The following UBE4B variants were observed in gnomAD, a reference collection of about 807,000 sequenced individuals.
UBE4B encodes the protein ubiquitination factor E4B, also known as ubiquitin conjugation factor E4 B.
UBE4B carries 27 observed loss-of-function variants against 148.1 expected under a neutral mutation model. That is an observed-to-expected ratio of 0.18 (90% CI 0.13 to 0.25). The LOEUF (loss-of-function observed/expected upper bound fraction) is 0.25. Among genes scored for constraint, UBE4B ranks in the 10% least tolerant of loss-of-function variants. UBE4B has a pLI of 1.00. For synonymous variants in UBE4B, 596 were observed against 619.3 expected (o/e 0.96, Z 0.56); for missense variants, 1,170 against 1,662.4 (o/e 0.70, Z 5.15).
At chr1:10,060,657 T>C (rs919640153) in intron 1 of UBE4B, among the ~76,000 whole-genome samples, 1 of 152,110 alleles carries the variant, frequency 6.6e-6, no homozygotes, top group African/African-American at 2.4e-5. Flanking sequence ...TACTCCTAAG[T>C]GTGGTCATCA....
rs538692149 is a variant in UBE4B at position 10,161,821 on chromosome 1, G to A, written c.3198+535G>A. On this transcript the variant is annotated intron_variant, in intron 23 of 27. Transcript: ENST00000343090. This position sits in a 1 kb window ranked among gnomAD's most constrained non-coding sequence, Gnocchi z 4.1. Reference sequence around the variant, plus strand: ...GTACCAGTGCTCTTTCCTGACGTGCGTAGCAGCCACTGAGATACTTCCTTG... The same window carrying A: ...GTACCAGTGCTCTTTCCTGACGTGCATAGCAGCCACTGAGATACTTCCTTG... 1.2e-4 allele frequency among the ~76,000 whole-genome samples: 18 copies of A among 152,242 alleles called. No individual in the cohort carries two copies. The highest frequency in any genetic ancestry group is 2.1e-4 in the Non-Finnish European group (14 of 68,014).
chr1:10,035,137 T>TA (rs1342670099), intron 1 of UBE4B, among the ~76,000 whole-genome samples: 1 of 151,716 alleles, frequency 6.6e-6, no homozygotes, highest in East Asian at 1.9e-4. Flanking sequence ...TAGCTGGGAC[T>TA]ACAGGCGCCC....
chr1:10,129,709 G>A (rs1273423425), intron 12 of UBE4B, among the ~76,000 whole-genome samples: 1 of 151,864 alleles, frequency 6.6e-6, no homozygotes, highest in Admixed American at 6.6e-5. Context: ...GGAGTGCAGT[G>A]GTGGGATCTT....
chr1:10,156,805 T>G (rs1646080091), intron 21 of UBE4B, among the ~76,000 whole-genome samples: 1 of 152,154 alleles, frequency 6.6e-6, no homozygotes, highest in Non-Finnish European at 1.5e-5. Flanking sequence ...GTTAATTATC[T>G]TATTTTATTT....
chr1:10,142,787 C>A (rs1460357264), intron 17 of UBE4B, among the ~76,000 whole-genome samples: 1 of 152,092 alleles, frequency 6.6e-6, no homozygotes, highest in African/African-American at 2.4e-5. Flanking sequence ...CCCACCCCAC[C>A]CCACCTTACT....
At chr1:10,175,392 C>G (rs898967331) in intron 25 of UBE4B, among the ~76,000 whole-genome samples, 3 of 152,174 alleles carry the variant, frequency 2.0e-5, no homozygotes, top group Non-Finnish European at 4.4e-5. Flanking sequence ...TGGCTCACGC[C>G]TGTAATCCCA....
chr1:10,097,596 G>A (rs1644948978), intron 3 of UBE4B, among the ~76,000 whole-genome samples: 1 of 152,172 alleles, frequency 6.6e-6, no homozygotes, highest in Non-Finnish European at 1.5e-5. Context: ...GTTCACTTGA[G>A]GTCAGGAGTT....
chr1:10,119,094 G>A (rs1420705705), intron 8 of UBE4B, among the ~76,000 whole-genome samples: 2 of 151,210 alleles, frequency 1.3e-5, no homozygotes, highest in Non-Finnish European at 2.9e-5. Context: ...TGTTGGCCAG[G>A]ATGGCGTCGA....
intron 1 of UBE4B, among the ~76,000 whole-genome samples, chr1:10,052,145 C>A (rs1053160310): frequency 1.3e-5 from 2 of 151,654 alleles, no homozygotes; most frequent in African/African-American, 4.8e-5. Context: ...TGGCTCACTG[C>A]AACCTCCGCC....
intron 18 of UBE4B, among the ~76,000 whole-genome samples, chr1:10,146,043 G>C (rs1645865190): frequency 6.6e-6 from 1 of 152,166 alleles, no homozygotes; most frequent in African/African-American, 2.4e-5. Context: ...TAAGATTTCA[G>C]TTTTATTTAC....
Position 10,032,978 on chromosome 1 carries a change from CTGT to C in UBE4B, c.-688_-686del, listed in dbSNP as rs1024353361. On this transcript the variant is annotated 5_prime_UTR_variant, in exon 1 of 28. Transcript: ENST00000343090. ...GTGATCCCTTTCAAAGATGGCCGCC[CTGT>C]TGTTTTGATGAATAATACTTGGTGG... is the stretch of plus-strand genomic sequence containing the variant. 3 of 152,166 alleles carry C rather than the reference CTGT, an allele frequency of 2.0e-5. No individual in the cohort carries two copies. The highest frequency in any genetic ancestry group is 4.8e-5 in the African/African-American group (2 of 41,422). The allele number at this position is 152,166 out of a possible 1,614,324, so 9.4% of individuals were successfully genotyped here.
In UBE4B at chr1:10,052,781, A is replaced by G. The variant is rs564061544; in HGVS notation, c.24+19087A>G. 8.1e-4 allele frequency among the ~76,000 whole-genome samples: 123 copies of G among 152,288 alleles called. 4 individuals carry two copies. The South Asian group carries it at 0.022, about 27-fold the overall frequency. ...GTAGATGTCGTAGTTCATTTGGACT[A>G]TTATAACAAAATGCCATAAAGTGGG... is the stretch of plus-strand genomic sequence containing the variant. On this transcript the variant is annotated intron_variant, in intron 1 of 27. Coordinates refer to ENST00000343090, the MANE Select transcript of UBE4B (RefSeq NM_001105562.3).
chr1:10,093,613 A>G (rs1342017676), intron 2 of UBE4B, among the ~76,000 whole-genome samples: 1 of 152,204 alleles, frequency 6.6e-6, no homozygotes, highest in Non-Finnish European at 1.5e-5. Context: ...GAATGCTGGA[A>G]GGGTTAAAAT....
chr1:10,051,043 A>G (rs528802506), intron 1 of UBE4B, among the ~76,000 whole-genome samples: 20 of 151,988 alleles, frequency 1.3e-4, no homozygotes, highest in Non-Finnish European at 2.5e-4. Context: ...GACTTGCTCT[A>G]TGGCCCAGGC....
chr1:10,171,106 A>G (rs780260340), intron 24 of UBE4B, 32 bp from the exon 25 acceptor site: 13 of 1,596,334 alleles, frequency 8.1e-6, no homozygotes, highest in East Asian at 2.2e-5. Context: ...TCTCAACAGC[A>G]TGAATTGTCC....
intron 1 of UBE4B, among the ~76,000 whole-genome samples, chr1:10,069,528 A>G (rs937654384): frequency 2.0e-5 from 3 of 152,042 alleles, no homozygotes; most frequent in Non-Finnish European, 4.4e-5. Context: ...TGTAAGGAAG[A>G]TACTGGTTTT....
At chr1:10,117,194 T>C (rs983782310) in intron 7 of UBE4B, among the ~76,000 whole-genome samples, 1 of 152,222 alleles carries the variant, frequency 6.6e-6, no homozygotes, top group Non-Finnish European at 1.5e-5. Context: ...TAACACTTGG[T>C]ACCAGTTCTT....
intron 1 of UBE4B, among the ~76,000 whole-genome samples, chr1:10,036,146 G>GT (rs1643524650): frequency 6.7e-6 from 1 of 148,990 alleles, no homozygotes; most frequent in Non-Finnish European, 1.5e-5. Flanking sequence ...GCATACTTGA[G>GT]TTTTCACCAA....
chr1:10,073,920 AT>A (rs947131085), intron 2 of UBE4B, among the ~76,000 whole-genome samples: 1,607 of 74,890 alleles, frequency 0.021, 8 homozygotes, highest in Non-Finnish European at 0.03. Context: ...CTTTCTTTCT[AT>A]TTTTTTTTTT....
Sources: allele counts gnomAD v4.1 joint callset (sites outside exome capture counted in the v4.1 genomes callset), GRCh38; gene constraint gnomAD v4.1.1; non-coding constraint Gnocchi (gnomAD v3.1); transcripts MANE v1.5; gene names NCBI Gene and HGNC (gene_info 2026-07-23, HGNC 2026-07-21).